The following EXT2 variants were observed in gnomAD, a reference collection of about 807,000 sequenced individuals.
EXT2 encodes the protein exostosin glycosyltransferase 2.
In EXT2, 53 loss-of-function variants were observed where a neutral mutation model predicts 81.6. That is an observed-to-expected ratio of 0.65 (90% confidence interval 0.52 to 0.82). The LOEUF is 0.82. EXT2 is among the 40% of genes least tolerant of loss of function. The pLI, the probability that EXT2 is intolerant of heterozygous loss-of-function variation, is 0.00. For missense variants in EXT2, 774 were observed against 910.2 expected (o/e 0.85, Z 1.93); for synonymous variants, 320 against 340.0 (o/e 0.94, Z 0.65).
Position 44,248,986 on chromosome 11 carries a change from TTG to T in EXT2, c.*4701_*4702del, listed in dbSNP as rs1956118444. ...AGAGTTTTTTTGTTTGTTTGTTTGTTTGTTTTTGTTTTTTTTGTTTTTTCTTT... is the reference window on the plus strand; with the variant it reads ...AGAGTTTTTTTGTTTGTTTGTTTGTTTTTTTGTTTTTTTTGTTTTTTCTTT... On this transcript the variant is annotated 3_prime_UTR_variant, in exon 14 of 14. Coordinates refer to ENST00000533608, the MANE Select transcript of EXT2 (RefSeq NM_207122.2). 6.6e-6 allele frequency among the ~76,000 whole-genome samples: 1 copy of T among 152,022 alleles called. No individual in the cohort carries two copies. Among genetic ancestry groups the T allele is most frequent in the Admixed American group, 6.6e-5 (1 of 15,260 alleles).
At chr11:44,175,376 CT>C (rs1363248649) in intron 8 of EXT2, among the ~76,000 whole-genome samples, 2 of 150,740 alleles carry the variant, frequency 1.3e-5, no homozygotes, top group Admixed American at 6.6e-5. Flanking sequence ...CTTTTTTTTT[CT>C]TTTTTTTCTT....
At chr11:44,224,127 A>G (rs1331630951) in intron 10 of EXT2, among the ~76,000 whole-genome samples, 1 of 152,194 alleles carries the variant, frequency 6.6e-6, no homozygotes, top group Non-Finnish European at 1.5e-5. Context: ...TTACAACTAC[A>G]TGTGAATCTA....
rs930894207 is a variant in EXT2, at chr11:44,251,805, A to T, written c.*7518A>T. On this transcript the variant is annotated 3_prime_UTR_variant, in exon 14 of 14. Coordinates refer to ENST00000533608, the MANE Select transcript of EXT2 (RefSeq NM_207122.2). ...TTCAGTCAACAAATACTTATTGAGC[A>T]GTTATTGTGTGCCAGATACTGTTCT... Among the ~76,000 whole-genome samples, 1 of 152,262 alleles carries T rather than the reference A, an allele frequency of 6.6e-6. No individual in the cohort carries two copies. The highest frequency in any genetic ancestry group is 6.5e-5 in the Admixed American group (1 of 15,288).
Position 44,172,592 on chromosome 11 carries a change from T to C in EXT2, c.1305+850T>C, listed in dbSNP as rs549022295. Among the ~76,000 whole-genome samples, 717 of 150,874 alleles carry C rather than the reference T, an allele frequency of 4.8e-3. 10 individuals are homozygous for C. The highest frequency in any genetic ancestry group is 0.029 in the East Asian group (148 of 5,124). ...CCTGATTCTACCTTTTCTTTTTTTTTTTTTTTTTGAGATGGAGTTTCGCTC... is the reference window on the plus strand; with the variant it reads ...CCTGATTCTACCTTTTCTTTTTTTTCTTTTTTTTGAGATGGAGTTTCGCTC... On this transcript the variant is annotated intron_variant, in intron 8 of 13. Coordinates refer to ENST00000533608, the MANE Select transcript of EXT2 (RefSeq NM_207122.2).
At chr11:44,234,854 A>G (rs1424395301) in intron 12 of EXT2, among the ~76,000 whole-genome samples, 1 of 152,220 alleles carries the variant, frequency 6.6e-6, no homozygotes, top group East Asian at 1.9e-4. Context: ...GAGAAGGTAC[A>G]CTTCTTTATA....
intron 7 of EXT2, among the ~76,000 whole-genome samples, chr11:44,131,177 C>G (rs1016955401): frequency 6.6e-6 from 1 of 152,188 alleles, no homozygotes; most frequent in Non-Finnish European, 1.5e-5. Context: ...ACCACTTCTT[C>G]CTTTACTTTT....
At position 44,245,692 on chromosome 11, in the gene EXT2, G is replaced by A. The variant is rs1175941239; in HGVS notation, c.*1405G>A. On this transcript the variant is annotated 3_prime_UTR_variant, in exon 14 of 14. Coordinates refer to ENST00000533608, the MANE Select transcript of EXT2 (RefSeq NM_207122.2). ...CATTGTTCTGTTGAGTGACATGAAG[G>A]TGGGCAGTTATTATGCTGTAGTTTC... 6.6e-6 allele frequency among the ~76,000 whole-genome samples: 1 copy of A among 152,230 alleles called. No homozygotes were observed. The highest frequency in any genetic ancestry group is 1.5e-5 in the Non-Finnish European group (1 of 68,044).
At chr11:44,104,572 C>T (rs1229503738) in intron 1 of EXT2, 2 of 152,202 alleles carry the variant, frequency 1.3e-5, no homozygotes, top group East Asian at 3.8e-4. Context: ...AGTGGTGGGG[C>T]CAAGGAATCT....
In EXT2 at chr11:44,248,339, A is replaced by G. The variant is rs976896043; in HGVS notation, c.*4052A>G. Among the ~76,000 whole-genome samples the G allele has an allele frequency of 6.6e-6, 1 of 152,170 alleles. No homozygotes were observed. Among genetic ancestry groups the G allele is most frequent in the East Asian group, 1.9e-4 (1 of 5,192 alleles). On this transcript the variant is annotated 3_prime_UTR_variant, in exon 14 of 14. Coordinates refer to ENST00000533608, the MANE Select transcript of EXT2 (RefSeq NM_207122.2). ...ACCATATTGGCAGCAGCTTCCATCC[A>G]GAGAGACTTTGAAAGCAACTTGAGC...
intron 4 of EXT2, among the ~76,000 whole-genome samples, chr11:44,114,667 T>C (rs1248109160): frequency 6.6e-6 from 1 of 152,168 alleles, no homozygotes; most frequent in Admixed American, 6.5e-5. Flanking sequence ...CAGGTTACTG[T>C]CATCTCTCCA....
At chr11:44,119,145 T>C (rs1467423590) in intron 4 of EXT2, among the ~76,000 whole-genome samples, 481 of 47,612 alleles carry the variant, frequency 0.01, 43 homozygotes, top group East Asian at 0.099. Context: ...TATATATATA[T>C]ATATATATAT....
chr11:44,197,766 A>G (rs1955472843), intron 8 of EXT2, 63 bp from the exon 9 acceptor site: 1 of 1,567,388 alleles, frequency 6.4e-7, no homozygotes, highest in African/African-American at 1.4e-5. Flanking sequence ...TTTGCTGACG[A>G]TATTGGGTCA....
At chr11:44,137,681 A>G (rs1351563598) in intron 7 of EXT2, among the ~76,000 whole-genome samples, 1 of 151,962 alleles carries the variant, frequency 6.6e-6, no homozygotes, top group Non-Finnish European at 1.5e-5. Context: ...TGTGTAGTAT[A>G]GTCACTCATC....
intron 10 of EXT2, among the ~76,000 whole-genome samples, chr11:44,230,937 C>G (rs1955891521): frequency 6.6e-6 from 1 of 152,100 alleles, no homozygotes; most frequent in African/African-American, 2.4e-5. Flanking sequence ...GGGGAAGCCT[C>G]TAGTTGCTCT....
At chr11:44,153,030 A>G (rs1954813298) in intron 7 of EXT2, among the ~76,000 whole-genome samples, 1 of 152,202 alleles carries the variant, frequency 6.6e-6, no homozygotes, top group South Asian at 2.1e-4. Flanking sequence ...ACAAATTTAG[A>G]ATCAGTTTGT....
intron 7 of EXT2, among the ~76,000 whole-genome samples, chr11:44,147,952 C>T (rs984145173): frequency 1.3e-5 from 2 of 152,060 alleles, no homozygotes; most frequent in African/African-American, 4.8e-5. Context: ...AGCTGAGCAT[C>T]ACGCTTGGAG....
Position 44,249,035 on chromosome 11 carries a change from C to G in EXT2, c.*4748C>G, listed in dbSNP as rs1956118945. On this transcript the variant is annotated 3_prime_UTR_variant, in exon 14 of 14. Coordinates refer to ENST00000533608, the MANE Select transcript of EXT2 (RefSeq NM_207122.2). ...CTTTGGAAACAGAGTCTCACTCTGT[C>G]CCATAGGCTGGAGTGTAGTGCTGTG... 6.6e-6 allele frequency among the ~76,000 whole-genome samples: 1 copy of G among 151,906 alleles called. No homozygotes were observed. Among genetic ancestry groups the G allele is most frequent in the African/African-American group, 2.4e-5 (1 of 41,324 alleles).
chr11:44,174,060 G>C (rs1053081457), intron 8 of EXT2, among the ~76,000 whole-genome samples: 1 of 152,086 alleles, frequency 6.6e-6, no homozygotes, highest in Non-Finnish European at 1.5e-5. Context: ...ATAACATTTG[G>C]GTGTTCTAGT....
intron 10 of EXT2, among the ~76,000 whole-genome samples, chr11:44,217,405 G>A (rs765039151): frequency 6.6e-6 from 1 of 152,064 alleles, no homozygotes; most frequent in Non-Finnish European, 1.5e-5. Flanking sequence ...TATATGGGTC[G>A]TATTTCCTAT....
Sources: allele counts gnomAD v4.1 joint callset (sites outside exome capture counted in the v4.1 genomes callset), GRCh38; gene constraint gnomAD v4.1.1; transcripts MANE v1.5; gene names NCBI Gene and HGNC (gene_info 2026-07-23, HGNC 2026-07-21).